FZD3: variants seen among roughly 807,000 people sequenced by gnomAD.
FZD3 encodes frizzled class receptor 3.
FZD3 carries 30 observed loss-of-function variants against 60.7 expected under a neutral mutation model. That is an observed-to-expected ratio of 0.49 (90% confidence interval 0.37 to 0.67). The LOEUF is 0.67. Among genes scored for constraint, FZD3 ranks in the 30% least tolerant of loss-of-function variants. The pLI, the probability that FZD3 is intolerant of heterozygous loss-of-function variation, is 0.00. For missense variants in FZD3, 605 were observed against 838.7 expected, an observed-to-expected ratio of 0.72 and a Z score of 3.44; for synonymous variants, 246 against 275.2, an observed-to-expected ratio of 0.89 and a Z score of 1.05.
intron 5 of FZD3, among the ~76,000 whole-genome samples, chr8:28,541,695 T>G (rs1212998286): frequency 6.6e-6 from 1 of 152,246 alleles, no homozygotes; most frequent in African/African-American, 2.4e-5. Flanking sequence ...CTTTTGAAAG[T>G]CTACAAAGCA....
intron 7 of FZD3, among the ~76,000 whole-genome samples, chr8:28,558,943 G>A (rs538638800): frequency 4.0e-4 from 61 of 152,222 alleles, no homozygotes; most frequent in African/African-American, 1.4e-3. Context: ...GGAAAGATAA[G>A]ACATACACAT....
Position 28,568,916 on chromosome 8 carries a change from T to C in FZD3, c.*5905T>C, listed in dbSNP as rs1180763615. On this transcript the variant is annotated 3_prime_UTR_variant, in exon 8 of 8. Coordinates refer to ENST00000240093, the MANE Select transcript of FZD3 (RefSeq NM_017412.4). ...ACTTTATGCTCATTTTATTGGTCAC[T>C]GTCACCAGTTTTTCCCGATAAAGAT... 1 of 152,182 alleles carries C rather than the reference T, an allele frequency of 6.6e-6. No homozygotes were observed. The highest frequency in any genetic ancestry group is 1.5e-5 in the Non-Finnish European group (1 of 67,992). The allele number at this position is 152,182 out of a possible 1,614,324, so 9.4% of individuals were successfully genotyped here. A position where few individuals can be genotyped will look rare whatever the true frequency, so the allele number is the denominator to read the frequency against.
chr8:28,562,912 A>G lies in FZD3; in HGVS notation c.1902A>G (p.Arg634=), dbSNP rs1392617709. 2.5e-6 allele frequency: 4 copies of G among 1,613,110 alleles called. No individual in the cohort carries two copies. In the East Asian group the frequency reaches 8.9e-5, roughly 36 times the overall value. Reference sequence around the variant, plus strand: ...CTCATCGGCTCAATGAACAGTCACGACATAGCAGCATCAGAGATCTCAGTA... The same window carrying G: ...CTCATCGGCTCAATGAACAGTCACGGCATAGCAGCATCAGAGATCTCAGTA... ...SSSHRLNEQS[R]HSSIRDLSNN... Residue 634 remains arginine, a synonymous_variant, in exon 8 of 8, where the codon CGA becomes CGG. Transcript: ENST00000240093.
chr8:28,529,200 G>A (rs552839894), intron 5 of FZD3, among the ~76,000 whole-genome samples: 29 of 152,112 alleles, frequency 1.9e-4, no homozygotes, highest in African/African-American at 6.5e-4. Context: ...ATTAACAGGC[G>A]TTAGTCACCA....
Position 28,520,631 on chromosome 8 carries a change from TC to T in FZD3, c.190-4del. On this transcript the variant is annotated splice_polypyrimidine_tract_variant and splice_region_variant and intron_variant, in intron 3 of 7. Coordinates refer to ENST00000240093, the MANE Select transcript of FZD3 (RefSeq NM_017412.4). ...TAACTAATTATTCAATTTTAACTTT[TC>T]CCTAGCCATTCCACCCTATGGTGAA... 6.5e-7 allele frequency: 1 copy of T among 1,529,384 alleles called. No individual in the cohort carries two copies. The highest frequency in any genetic ancestry group is 8.8e-7 in the Non-Finnish European group (1 of 1,130,496). 94.7% of individuals were successfully genotyped at this position (1,529,384 alleles called of 1,614,324 possible).
intron 3 of FZD3, among the ~76,000 whole-genome samples, chr8:28,516,901 T>G (rs1158939507): frequency 2.6e-5 from 4 of 152,186 alleles, no homozygotes; most frequent in Non-Finnish European, 5.9e-5. Flanking sequence ...CTAATAGAAA[T>G]AATTACTTCA....
At chr8:28,549,728 C>T (rs184773443) in intron 5 of FZD3, among the ~76,000 whole-genome samples, 101 of 152,168 alleles carry the variant, frequency 6.6e-4, no homozygotes, top group African/African-American at 2.4e-3. Context: ...TACATAGTGT[C>T]TTTAAGTACT....
At chr8:28,506,242 G>A (rs891917594) in intron 3 of FZD3, among the ~76,000 whole-genome samples, 2 of 152,160 alleles carry the variant, frequency 1.3e-5, no homozygotes, top group African/African-American at 4.8e-5. Flanking sequence ...GAACCAAATT[G>A]GCTAGGACGG....
intron 3 of FZD3, among the ~76,000 whole-genome samples, chr8:28,506,805 T>G (rs1356065516): frequency 2.0e-5 from 3 of 152,170 alleles, no homozygotes; most frequent in Non-Finnish European, 4.4e-5. Context: ...CAGAGTATGT[T>G]TCAACCAGTC....
In FZD3 at chr8:28,569,242, A is replaced by G. The variant is rs748185101; in HGVS notation, c.*6231A>G. ...TTTTCTATCCTGGAGTCTAAAATTA[A>G]ACAAAAAAATCTATTTTCTAAATTG... On this transcript the variant is annotated 3_prime_UTR_variant, in exon 8 of 8. Transcript: ENST00000240093. 1 of 151,716 alleles carries G rather than the reference A, an allele frequency of 6.6e-6. No individual in the cohort carries two copies. The highest frequency in any genetic ancestry group is 1.5e-5 in the Non-Finnish European group (1 of 67,904). 9.4% of individuals were successfully genotyped at this position (151,716 alleles called of 1,614,324 possible).
At chr8:28,503,800 G>C (rs1804063804) in intron 3 of FZD3, among the ~76,000 whole-genome samples, 1 of 152,176 alleles carries the variant, frequency 6.6e-6, no homozygotes, top group Admixed American at 6.6e-5. Context: ...CTTTGAGGTA[G>C]ACAAACCTGG....
intron 5 of FZD3, among the ~76,000 whole-genome samples, chr8:28,551,352 A>G (rs1805407580): frequency 6.6e-6 from 1 of 152,128 alleles, no homozygotes; most frequent in African/African-American, 2.4e-5. Flanking sequence ...CGTCTCTACT[A>G]AAAATACAAA....
At chr8:28,545,129 T>C (rs889371667) in intron 5 of FZD3, among the ~76,000 whole-genome samples, 2 of 152,180 alleles carry the variant, frequency 1.3e-5, no homozygotes, top group Non-Finnish European at 2.9e-5. Flanking sequence ...TTGTGAGTTA[T>C]GGAGGGGACA....
intron 3 of FZD3, among the ~76,000 whole-genome samples, chr8:28,519,378 T>C (rs569917087): frequency 6.6e-6 from 1 of 152,322 alleles, no homozygotes; most frequent in South Asian, 2.1e-4. Flanking sequence ...TTTCCCTTAA[T>C]ATTAGCTTAC....
intron 4 of FZD3, among the ~76,000 whole-genome samples, chr8:28,524,968 G>A (rs770442311): frequency 6.0e-4 from 92 of 152,152 alleles, no homozygotes; most frequent in Non-Finnish European, 1.0e-3. Flanking sequence ...TTCAAGTTAG[G>A]CATTCTGTTG....
intron 3 of FZD3, chr8:28,505,154 C>T (rs1804102452): frequency 6.5e-6 from 1 of 154,762 alleles, no homozygotes; most frequent in Non-Finnish European, 1.5e-5. Flanking sequence ...ACTGCCTGCT[C>T]AGTGCTGCTG....
intron 5 of FZD3, among the ~76,000 whole-genome samples, 192 bp downstream of exon 5, chr8:28,528,356 T>G (rs756776157): frequency 1.3e-5 from 2 of 152,042 alleles, no homozygotes; most frequent in Non-Finnish European, 1.5e-5. Context: ...ATCTTCATTT[T>G]AAAAGATGAC....
rs145098966 is a variant in FZD3, at chr8:28,561,349, G to A, written c.1788-1449G>A. On this transcript the variant is annotated intron_variant, in intron 7 of 7. Transcript: ENST00000240093. ...TGGGATTACAGGCATGAGCCACTGC[G>A]CCCGGCCAAAAGACGTGTTTAAAAA... Among the ~76,000 whole-genome samples the A allele has an allele frequency of 4.8e-3, 731 of 152,204 alleles. 27 individuals carry two copies. In the East Asian group the frequency reaches 0.093, roughly 19 times the overall value.
rs190138979 is a variant in FZD3, at chr8:28,515,107, A to G, written c.190-5531A>G. On this transcript the variant is annotated intron_variant, in intron 3 of 7. Transcript: ENST00000240093. ...CACATGTATTGTAAAATGAGTTCAT[A>G]ATAATGGTACTTACCTTATAGGATT... is the stretch of plus-strand genomic sequence containing the variant. Among the ~76,000 whole-genome samples the G allele has an allele frequency of 2.0e-5, 3 of 152,324 alleles. No individual in the cohort carries two copies. The East Asian group carries it at 5.8e-4, about 29-fold the overall frequency.
Sources: gnomAD v4.1 joint callset for allele counts (sites outside exome capture counted in the v4.1 genomes callset) on GRCh38, gnomAD v4.1.1 for gene constraint, MANE v1.5 for transcripts, NCBI Gene and HGNC (gene_info 2026-07-23, HGNC 2026-07-21) for gene names.